The following CADPS variants were observed in gnomAD, a reference collection of about 807,000 sequenced individuals.
CADPS encodes the protein calcium-dependent secretion activator 1.
Under a neutral mutation model 167.3 loss-of-function variants are expected in CADPS, and 57 were observed. The ratio of observed to expected loss-of-function variants is 0.34; its 90% CI spans 0.28 to 0.42. The LOEUF (loss-of-function observed/expected upper bound fraction) is 0.42. CADPS is among the 20% of genes least tolerant of loss of function. The pLI is 1.00. For missense variants in CADPS, 1,414 were observed against 1,738.1 expected, an observed-to-expected ratio of 0.81 and a Z score of 3.32; for synonymous variants, 676 against 635.3, an observed-to-expected ratio of 1.06 and a Z score of -0.96.
intron 1 of CADPS, among the ~76,000 whole-genome samples, chr3:62,791,890 G>C (rs1216274987): frequency 2.0e-5 from 3 of 152,184 alleles, no homozygotes; most frequent in Non-Finnish European, 4.4e-5. Flanking sequence ...TAAGTGCTTA[G>C]CACATGCCTG....
chr3:62,770,087 G>A (rs1170965876), intron 1 of CADPS, among the ~76,000 whole-genome samples: 1 of 152,152 alleles, frequency 6.6e-6, no homozygotes, highest in East Asian at 1.9e-4. Context: ...CAGCACACTG[G>A]TGTCTTTTTT....
chr3:62,859,910 G>C (rs2153172549), intron 1 of CADPS, among the ~76,000 whole-genome samples: 1 of 152,266 alleles, frequency 6.6e-6, no homozygotes, highest in South Asian at 2.1e-4. Flanking sequence ...CAATCACCCA[G>C]AAGTCTACAT....
chr3:62,843,813 A>G (rs1051673933), intron 1 of CADPS, among the ~76,000 whole-genome samples: 3 of 152,054 alleles, frequency 2.0e-5, no homozygotes, highest in Non-Finnish European at 4.4e-5. Context: ...TCCAACTACA[A>G]GAGTAGGACT....
At chr3:62,729,623 T>C (rs545104222) in intron 3 of CADPS, among the ~76,000 whole-genome samples, 6 of 151,878 alleles carry the variant, frequency 4.0e-5, no homozygotes, top group Admixed American at 2.6e-4. Flanking sequence ...AGAATAAAAG[T>C]ATTTACCTTA....
At chr3:62,616,400 C>T (rs1045114644) in intron 6 of CADPS, among the ~76,000 whole-genome samples, 10 of 151,886 alleles carry the variant, frequency 6.6e-5, no homozygotes, top group Non-Finnish European at 1.0e-4. Context: ...AACAAAGTTA[C>T]GTTCCTGGGA....
chr3:62,456,888 G>A (rs1318315433), intron 26 of CADPS, among the ~76,000 whole-genome samples: 1 of 151,950 alleles, frequency 6.6e-6, no homozygotes, highest in South Asian at 2.1e-4. Flanking sequence ...CCCTAACTTC[G>A]AACATAGGAA....
chr3:62,523,043 C>T (rs1056108315), intron 13 of CADPS, among the ~76,000 whole-genome samples: 3 of 152,100 alleles, frequency 2.0e-5, no homozygotes, highest in African/African-American at 7.2e-5. Context: ...TTGACATTTT[C>T]GGCAGCATGA....
At chr3:62,482,540 T>C (rs1179395581) in intron 21 of CADPS, among the ~76,000 whole-genome samples, 1 of 152,166 alleles carries the variant, frequency 6.6e-6, no homozygotes. Flanking sequence ...AAATAGAAAC[T>C]TTCTCTCTCA....
intron 19 of CADPS, 38 bp downstream of exon 19, chr3:62,493,607 T>C (rs1265311490): frequency 1.4e-5 from 21 of 1,525,854 alleles, no homozygotes; most frequent in Non-Finnish European, 1.8e-5. Flanking sequence ...AGAATAGGGG[T>C]CCACCTCTCT....
chr3:62,837,992 C>T (rs2076132704), intron 1 of CADPS, among the ~76,000 whole-genome samples: 1 of 152,212 alleles, frequency 6.6e-6, no homozygotes, highest in African/African-American at 2.4e-5. Flanking sequence ...ACAGAGGGAA[C>T]TGGCTTTACA....
In CADPS at chr3:62,753,323, T is replaced by C. The variant is rs915856003; in HGVS notation, c.888+118A>G. ...TAAACTGTATTCAACTTTTTACCAG[T>C]AGAGTAATAAAATATAAGTTTTAAT... On this transcript the variant is annotated intron_variant, in intron 3 of 29. Transcript: ENST00000383710. The surrounding 1 kb of genome is among the most constrained non-coding windows in gnomAD (Gnocchi z 4.6). 2.8e-6 allele frequency: 2 copies of C among 714,528 alleles called. No individual in the cohort carries two copies. The highest frequency in any genetic ancestry group is 4.6e-6 in the Non-Finnish European group (2 of 437,342). The allele number at this position is 714,528 out of a possible 1,614,324, so 44.3% of individuals were successfully genotyped here.
intron 25 of CADPS, among the ~76,000 whole-genome samples, chr3:62,466,026 G>A (rs1221892135): frequency 4.6e-5 from 7 of 152,140 alleles, no homozygotes; most frequent in East Asian, 1.9e-4. Context: ...CCTTATTACC[G>A]TTTAACTTTC....
intron 7 of CADPS, among the ~76,000 whole-genome samples, chr3:62,591,839 T>C (rs2148795768): frequency 6.6e-6 from 1 of 152,268 alleles, no homozygotes; most frequent in Non-Finnish European, 1.5e-5. Context: ...GGTCCAGGGA[T>C]GCTAAACATC....
chr3:62,586,313 T>A (rs910079951), intron 7 of CADPS, among the ~76,000 whole-genome samples: 10 of 152,174 alleles, frequency 6.6e-5, no homozygotes, highest in Admixed American at 5.9e-4. Context: ...GGCAGGCCCC[T>A]TTCCTGGGCT....
chr3:62,555,903 C>A (rs2078063664), intron 10 of CADPS, among the ~76,000 whole-genome samples: 1 of 151,976 alleles, frequency 6.6e-6, no homozygotes, highest in South Asian at 2.1e-4. Context: ...CAGGTGTGTG[C>A]CTCCATGCCC....
intron 29 of CADPS, among the ~76,000 whole-genome samples, chr3:62,400,211 A>G (rs1705398768): frequency 6.6e-6 from 1 of 152,180 alleles, no homozygotes; most frequent in South Asian, 2.1e-4. Flanking sequence ...AACTGTATCT[A>G]TTCTGTTCAC....
At chr3:62,483,384 G>A (rs972210504) in intron 21 of CADPS, among the ~76,000 whole-genome samples, 9 of 145,122 alleles carry the variant, frequency 6.2e-5, no homozygotes, top group African/African-American at 2.1e-4. Context: ...GGGGGTGGAG[G>A]TGGGTACATG....
At chr3:62,419,098 C>A (rs1031273736) in intron 28 of CADPS, among the ~76,000 whole-genome samples, 1 of 152,038 alleles carries the variant, frequency 6.6e-6, no homozygotes, top group African/African-American at 2.4e-5. Flanking sequence ...GCAAGCAAAC[C>A]GGGAAACTGT....
chr3:62,742,705 C>T (rs1025691389), intron 3 of CADPS, among the ~76,000 whole-genome samples: 8 of 152,222 alleles, frequency 5.3e-5, no homozygotes, highest in South Asian at 4.1e-4. Flanking sequence ...CCATTCAGGA[C>T]ATAGGCACGG....
Sources: gnomAD v4.1 joint callset for allele counts (sites outside exome capture counted in the v4.1 genomes callset) on GRCh38, gnomAD v4.1.1 for gene constraint, Gnocchi (gnomAD v3.1) non-coding constraint, MANE v1.5 for transcripts, NCBI Gene and HGNC (gene_info 2026-07-23, HGNC 2026-07-21) for gene names.